The following UBQLN1 variants were observed in gnomAD, a reference collection of about 807,000 sequenced individuals.
The protein encoded by UBQLN1 is ubiquilin 1.
In UBQLN1, 13 loss-of-function variants were observed where a neutral mutation model predicts 65.4. The ratio of observed to expected loss-of-function variants is 0.20; its 90% CI spans 0.13 to 0.32. The LOEUF (loss-of-function observed/expected upper bound fraction) is 0.32. UBQLN1 is among the 10% of genes least tolerant of loss of function. UBQLN1 has a pLI of 1.00. For missense variants in UBQLN1, 561 were observed against 724.0 expected (o/e 0.77, Z 2.58); for synonymous variants, 267 against 247.8 (o/e 1.08, Z -0.73).
intron 7 of UBQLN1, chr9:83,668,700 C>A (rs1483219014): frequency 1.1e-5 from 10 of 913,024 alleles, no homozygotes; most frequent in Non-Finnish European, 1.3e-5. Context: ...GCAGGGGAAT[C>A]AATAGTTGAA....
intron 6 of UBQLN1, among the ~76,000 whole-genome samples, chr9:83,674,528 AGG>A (rs1831797371): frequency 6.6e-6 from 1 of 152,236 alleles, no homozygotes; most frequent in South Asian, 2.1e-4. Context: ...TGTTAGCCAA[AGG>A]AAGCCAAGTA....
intron 1 of UBQLN1, among the ~76,000 whole-genome samples, chr9:83,700,576 G>A (rs1454250705): frequency 2.0e-5 from 3 of 152,098 alleles, no homozygotes; most frequent in African/African-American, 7.2e-5. Context: ...AAATCCAACA[G>A]GGGATCCCAA....
chr9:83,697,470 T>C (rs1323767798), intron 1 of UBQLN1, among the ~76,000 whole-genome samples: 2 of 134,574 alleles, frequency 1.5e-5, no homozygotes, highest in Non-Finnish European at 3.1e-5. Context: ...GAGAATTGTG[T>C]GAACCCAGGG....
intron 1 of UBQLN1, among the ~76,000 whole-genome samples, chr9:83,694,483 C>T (rs928939623): frequency 3.3e-5 from 5 of 152,126 alleles, no homozygotes; most frequent in East Asian, 1.9e-4. Flanking sequence ...CACTGCATAA[C>T]CCTTTATACA....
intron 1 of UBQLN1, among the ~76,000 whole-genome samples, chr9:83,697,134 C>T (rs529131584): frequency 4.4e-4 from 67 of 151,952 alleles, no homozygotes; most frequent in African/African-American, 1.6e-3. Context: ...CAGTTTGGGG[C>T]AGTGGATCGG....
intron 7 of UBQLN1, 156 bp downstream of exon 7, chr9:83,669,029 G>C: frequency 1.2e-6 from 1 of 832,944 alleles, no homozygotes; most frequent in East Asian, 3.1e-5. Context: ...TTACTGCAAA[G>C]AAACACACGG....
chr9:83,663,945 C>T lies in UBQLN1; in HGVS notation c.1547G>A (p.Gly516Glu). ...CTGCTGATGTCCAGGTTCAGTGGTTCCTGCTGTGGGACTTGTGTTTTCACT... is the reference window on the plus strand; with the variant it reads ...CTGCTGATGTCCAGGTTCAGTGGTTTCTGCTGTGGGACTTGTGTTTTCACT... Reference protein sequence around the residue: ...TPSENTSPTAGTTEPGHQQFI... With the variant: ...TPSENTSPTAETTEPGHQQFI... The change falls in exon 10 of 11, where the codon GGA (glycine) becomes GAA (glutamate). Residue 516 changes from glycine to glutamate, a missense_variant. This residue lies in a region of UBQLN1 where 68 missense variants were observed against 62.2 expected (regional missense o/e 1.09). Coordinates refer to ENST00000376395, the MANE Select transcript of UBQLN1 (RefSeq NM_013438.5). 6.2e-7 allele frequency: 1 copy of T among 1,614,190 alleles called. No individual in the cohort carries two copies. The highest frequency in any genetic ancestry group is 1.6e-4 in the Middle Eastern group (1 of 6,062).
At chr9:83,703,113 C>T (rs1832338462) in intron 1 of UBQLN1, among the ~76,000 whole-genome samples, 2 of 151,700 alleles carry the variant, frequency 1.3e-5, no homozygotes, top group South Asian at 4.2e-4. Flanking sequence ...CTCGTGGATA[C>T]TTGGAAATCC....
intron 7 of UBQLN1, chr9:83,667,359 A>C: frequency 3.3e-6 from 1 of 304,540 alleles, no homozygotes; most frequent in Non-Finnish European, 4.8e-6. Context: ...TATCTATCCA[A>C]AGTCTGGGGA....
intron 1 of UBQLN1, among the ~76,000 whole-genome samples, chr9:83,701,348 G>A (rs554843034): frequency 6.6e-6 from 1 of 152,194 alleles, no homozygotes; most frequent in African/African-American, 2.4e-5. Flanking sequence ...TTTCACATCT[G>A]TTGTCATATC....
rs1564160802 is a variant in UBQLN1 at position 83,669,215 on chromosome 9, T to C, written c.1218A>G (p.Ser406=). 6.2e-7 allele frequency: 1 copy of C among 1,612,206 alleles called. No individual in the cohort carries two copies. Among genetic ancestry groups the C allele is most frequent in the Non-Finnish European group, 8.5e-7 (1 of 1,179,662 alleles). Residue 406 remains serine, a synonymous_variant, in exon 7 of 11, where the codon TCA becomes TCG. Coordinates refer to ENST00000376395, the MANE Select transcript of UBQLN1 (RefSeq NM_013438.5). ...SAPYMRSMMQ[S]LSQNPDLAAQ... is the part of the protein sequence containing the mutation. Reference sequence around the variant, plus strand: ...CAGCAAGGTCAGGATTCTGGCTTAGTGACTGCATCATGCTTCTCATGTAGG... The same window carrying C: ...CAGCAAGGTCAGGATTCTGGCTTAGCGACTGCATCATGCTTCTCATGTAGG...
chr9:83,688,454 C>T (rs920640725), intron 1 of UBQLN1, among the ~76,000 whole-genome samples: 4 of 152,228 alleles, frequency 2.6e-5, no homozygotes, highest in Admixed American at 2.6e-4. Context: ...CTCAGAAATG[C>T]TTTCCAAAAT....
In UBQLN1 at chr9:83,707,840, GC is replaced by G; in HGVS notation, c.-162del. 9.0e-7 allele frequency: 1 copy of G among 1,111,094 alleles called. No homozygotes were observed. The highest frequency in any genetic ancestry group is 1.2e-6 in the Non-Finnish European group (1 of 825,218). 68.8% of individuals were successfully genotyped at this position (1,111,094 alleles called of 1,614,324 possible). On this transcript the variant is annotated 5_prime_UTR_variant, in exon 1 of 11. Coordinates refer to ENST00000376395, the MANE Select transcript of UBQLN1 (RefSeq NM_013438.5). ...GCAGGGCCACCGTAGCGGGTGTGGG[GC>G]CCCGGAGCTCGGTGCAGGCTCTGGC...
intron 7 of UBQLN1, 147 bp downstream of exon 7, chr9:83,669,038 G>C: frequency 1.1e-6 from 1 of 878,478 alleles, no homozygotes. Flanking sequence ...AGAAACACAC[G>C]GTCTAAAAAA....
intron 6 of UBQLN1, among the ~76,000 whole-genome samples, chr9:83,674,363 C>T (rs913210961): frequency 2.0e-5 from 3 of 152,036 alleles, no homozygotes; most frequent in South Asian, 2.1e-4. Flanking sequence ...TAAGCACTGC[C>T]GGACCAACCA....
At chr9:83,698,175 A>G (rs1230950092) in intron 1 of UBQLN1, among the ~76,000 whole-genome samples, 1 of 152,252 alleles carries the variant, frequency 6.6e-6, no homozygotes, top group Non-Finnish European at 1.5e-5. Flanking sequence ...TGTCATTAAC[A>G]GCATTTGCAA....
chr9:83,677,565 AAAAAC>A (rs138593223), intron 6 of UBQLN1, among the ~76,000 whole-genome samples, 157 bp downstream of exon 6: 74 of 151,876 alleles, frequency 4.9e-4, no homozygotes, highest in African/African-American at 1.5e-3. Flanking sequence ...TCTATCTCAA[AAAAAC>A]AAAACAAAAC....
intron 2 of UBQLN1, among the ~76,000 whole-genome samples, chr9:83,683,431 A>AAC (rs1481011386): frequency 7.3e-5 from 11 of 151,408 alleles, no homozygotes; most frequent in Non-Finnish European, 1.5e-4. Flanking sequence ...AAAAAAAAAA[A>AAC]AAAAAGAACC....
intron 1 of UBQLN1, among the ~76,000 whole-genome samples, chr9:83,686,740 C>T (rs1282250906): frequency 6.6e-6 from 1 of 152,008 alleles, no homozygotes; most frequent in Non-Finnish European, 1.5e-5. Flanking sequence ...CTTGGCCTAG[C>T]GGTGGAGTAT....
Sources: allele counts gnomAD v4.1 joint callset (sites outside exome capture counted in the v4.1 genomes callset), GRCh38; gene constraint gnomAD v4.1.1; regional missense constraint gnomAD v4.1.1; transcripts MANE v1.5; gene names NCBI Gene and HGNC (gene_info 2026-07-23, HGNC 2026-07-21).